PDE1A: variants seen among roughly 807,000 people sequenced by gnomAD.
The protein encoded by PDE1A is dual specificity calcium/calmodulin-dependent 3',5'-cyclic nucleotide phosphodiesterase 1A.
In PDE1A, 35 loss-of-function variants were observed where a neutral mutation model predicts 61.7. The observed-to-expected ratio is 0.57, with a 90% CI of 0.43 to 0.75. The LOEUF is 0.75. Among genes scored for constraint, PDE1A ranks in the 30% least tolerant of loss-of-function variants. PDE1A has a pLI of 0.00. For synonymous variants in PDE1A, 232 were observed against 213.2 expected, an observed-to-expected ratio of 1.09 and a Z score of -0.77; for missense variants, 597 against 630.6, an observed-to-expected ratio of 0.95 and a Z score of 0.57.
chr2:182,339,553 T>C (rs1698049713), intron 1 of PDE1A, among the ~76,000 whole-genome samples: 1 of 152,196 alleles, frequency 6.6e-6, no homozygotes, highest in African/African-American at 2.4e-5. Context: ...GAAAAGTGAC[T>C]CAATTCAATT....
chr2:182,647,719 TA>T, the PDE1A span, among the ~76,000 whole-genome samples: 1 of 152,212 alleles, frequency 6.6e-6, no homozygotes, highest in Non-Finnish European at 1.5e-5. Flanking sequence ...CAGTAAAGAC[TA>T]AATCATCTTG....
intron 6 of PDE1A, among the ~76,000 whole-genome samples, chr2:182,229,249 G>C (rs535580153): frequency 6.6e-6 from 1 of 152,038 alleles, no homozygotes; most frequent in Admixed American, 6.6e-5. Flanking sequence ...TTGCCTCCTA[G>C]GCTGAAATGG....
the PDE1A span, among the ~76,000 whole-genome samples, chr2:182,705,167 AT>A: frequency 7.2e-5 from 11 of 152,208 alleles, no homozygotes. Context: ...ATGTATGATA[AT>A]TTTTTAAACA....
intron 2 of PDE1A, among the ~76,000 whole-genome samples, chr2:182,465,541 G>A (rs1466951250): frequency 2.0e-5 from 3 of 151,964 alleles, no homozygotes; most frequent in African/African-American, 7.2e-5. Context: ...CTTTGGTTTA[G>A]AAAGCATTTA....
intron 1 of PDE1A, among the ~76,000 whole-genome samples, chr2:182,319,893 T>C (rs567992729): frequency 3.9e-5 from 6 of 152,342 alleles, no homozygotes; most frequent in Admixed American, 3.3e-4. Flanking sequence ...TCCAGGATTC[T>C]AAGACTATGA....
At chr2:182,196,800 A>T (rs1161848045) in intron 10 of PDE1A, among the ~76,000 whole-genome samples, 2 of 151,692 alleles carry the variant, frequency 1.3e-5, no homozygotes, top group Non-Finnish European at 3.0e-5. Flanking sequence ...CTGTACCATG[A>T]TTTATTTTTT....
At chr2:182,647,562 C>T in the PDE1A span, among the ~76,000 whole-genome samples, 1 of 152,090 alleles carries the variant, frequency 6.6e-6, no homozygotes, top group Non-Finnish European at 1.5e-5. Flanking sequence ...GACAGACTAT[C>T]GAGATAATCA....
the PDE1A span, among the ~76,000 whole-genome samples, chr2:182,657,577 C>T: frequency 2.0e-5 from 3 of 152,112 alleles, no homozygotes; most frequent in Admixed American, 6.5e-5. Context: ...ATGTATCCAA[C>T]GGTCTTAAGC....
intron 1 of PDE1A, among the ~76,000 whole-genome samples, chr2:182,285,886 T>C (rs1559296125): frequency 6.6e-6 from 1 of 152,068 alleles, no homozygotes; most frequent in Non-Finnish European, 1.5e-5. Context: ...CAAATACTAT[T>C]ATAAATCAAT....
intron 2 of PDE1A, among the ~76,000 whole-genome samples, chr2:182,496,371 G>A (rs906397784): frequency 2.0e-5 from 3 of 152,172 alleles, no homozygotes; most frequent in African/African-American, 7.2e-5. Context: ...AAATTGTAAT[G>A]TGGTTATGTA....
At chr2:182,703,266 A>T in the PDE1A span, among the ~76,000 whole-genome samples, 1 of 152,196 alleles carries the variant, frequency 6.6e-6, no homozygotes, top group African/African-American at 2.4e-5. Context: ...GATTAATTTC[A>T]ATTTACATTC....
chr2:182,565,607 T>C, the PDE1A span, among the ~76,000 whole-genome samples: 3 of 152,082 alleles, frequency 2.0e-5, no homozygotes, highest in African/African-American at 7.2e-5. Context: ...TCCATTACAA[T>C]CTGCCTTCGA....
intron 1 of PDE1A, among the ~76,000 whole-genome samples, chr2:182,369,267 A>T (rs143946669): frequency 6.6e-6 from 1 of 152,340 alleles, no homozygotes; most frequent in East Asian, 1.9e-4. Flanking sequence ...AAGCCCATGC[A>T]GTGTACATTC....
At chr2:182,280,933 T>C (rs711807) in intron 1 of PDE1A, among the ~76,000 whole-genome samples, 2,327 of 152,004 alleles carry the variant, frequency 0.015, 37 homozygotes, top group African/African-American at 0.031. Flanking sequence ...AAACTAACAA[T>C]GACGAAACAG....
intron 7 of PDE1A, among the ~76,000 whole-genome samples, chr2:182,211,996 C>A (rs1687643525): frequency 6.6e-6 from 1 of 151,750 alleles, no homozygotes; most frequent in Non-Finnish European, 1.5e-5. Context: ...AGAGAAATTC[C>A]TTTTTCTAGT....
chr2:182,448,060 C>T (rs903595668), intron 2 of PDE1A, among the ~76,000 whole-genome samples: 6 of 151,786 alleles, frequency 4.0e-5, no homozygotes, highest in African/African-American at 1.4e-4. Context: ...CCCAGTCATG[C>T]CTTATGATGA....
chr2:182,320,620 C>T (rs995593533), intron 1 of PDE1A, among the ~76,000 whole-genome samples: 22 of 152,102 alleles, frequency 1.4e-4, no homozygotes, highest in Non-Finnish European at 2.6e-4. Context: ...TGAATTTGCT[C>T]TTTTCAGGAC....
chr2:182,519,706 C>T (rs1690444333), intron 2 of PDE1A, among the ~76,000 whole-genome samples: 1 of 151,810 alleles, frequency 6.6e-6, no homozygotes. Flanking sequence ...ACTCAAAAGA[C>T]TCTCTAAAAT....
rs139969377 is a variant in PDE1A, at chr2:182,482,027, T to C, written c.101+40249A>G. Among the ~76,000 whole-genome samples the C allele has an allele frequency of 9.8e-3, 1,486 of 152,078 alleles. 18 individuals are homozygous for C. The highest frequency in any genetic ancestry group is 0.033 in the African/African-American group (1,379 of 41,538). On this transcript the variant is annotated intron_variant, in intron 2 of 14. Transcript: ENST00000410103. ...TCCCCTGATTCTAACATATAGTCTC[T>C]GTCTTTTCCTTCCCTTCACTACCTA...
Sources: gnomAD v4.1 joint callset for allele counts (sites outside exome capture counted in the v4.1 genomes callset) on GRCh38, gnomAD v4.1.1 for gene constraint, MANE v1.5 for transcripts, NCBI Gene and HGNC (gene_info 2026-07-23, HGNC 2026-07-21) for gene names.